SSBP3: variants seen among roughly 807,000 people sequenced by gnomAD.
The protein encoded by SSBP3 is single-stranded DNA-binding protein 3.
In SSBP3, 5 loss-of-function variants were observed where a neutral mutation model predicts 69.6. The ratio of observed to expected loss-of-function variants is 0.07; its 90% CI spans 0.04 to 0.15. SSBP3 has a LOEUF of 0.15. Among genes scored for constraint, SSBP3 ranks in the 10% least tolerant of loss-of-function variants. The pLI is 1.00. For missense variants in SSBP3, 312 were observed against 534.0 expected, an observed-to-expected ratio of 0.58 and a Z score of 4.10; for synonymous variants, 196 against 193.4, an observed-to-expected ratio of 1.01 and a Z score of -0.11.
At chr1:54,288,968 C>G (rs1428880252) in intron 4 of SSBP3, among the ~76,000 whole-genome samples, 1 of 135,312 alleles carries the variant, frequency 7.4e-6, no homozygotes, top group Admixed American at 8.9e-5. Context: ...TGCAGTGAGC[C>G]GAGATCGTGC....
chr1:54,242,450 G>A lies in SSBP3; in HGVS notation c.717-238C>T, dbSNP rs182793668. ...GTATATAAAATTAGATAAAAAATAT[G>A]TGAAATTCCCTTTGCATGTGCATTT... On this transcript the variant is annotated intron_variant, in intron 10 of 17. Coordinates refer to ENST00000610401, the Ensembl canonical transcript of SSBP3. 4.7e-4 allele frequency among the ~76,000 whole-genome samples: 71 copies of A among 152,300 alleles called. No individual in the cohort carries two copies. In the East Asian group the frequency reaches 9.1e-3, roughly 19 times the overall value.
At chr1:54,389,994 A>G (rs1211909101) in intron 4 of SSBP3, among the ~76,000 whole-genome samples, 1 of 152,156 alleles carries the variant, frequency 6.6e-6, no homozygotes, top group Non-Finnish European at 1.5e-5. Flanking sequence ...GGAATAACAG[A>G]ACTTAACTCA....
intron 4 of SSBP3, among the ~76,000 whole-genome samples, chr1:54,369,222 G>GC (rs997615916): frequency 7.9e-5 from 12 of 151,006 alleles, no homozygotes; most frequent in Admixed American, 6.6e-4. Flanking sequence ...TTGAGTCGGG[G>GC]GGGGGGCCCA....
intron 4 of SSBP3, among the ~76,000 whole-genome samples, chr1:54,366,942 G>A (rs1175015880): frequency 6.6e-6 from 1 of 152,166 alleles, no homozygotes; most frequent in Non-Finnish European, 1.5e-5. Context: ...TTACAACTGA[G>A]TGACACTGTT....
At chr1:54,316,667 A>AT (rs1212400421) in intron 4 of SSBP3, among the ~76,000 whole-genome samples, 4 of 56,480 alleles carry the variant, frequency 7.1e-5, no homozygotes, top group African/African-American at 3.2e-4. Flanking sequence ...AAATAAAATA[A>AT]ATAAATAAAT....
At chr1:54,380,491 A>T (rs1436598571) in intron 4 of SSBP3, among the ~76,000 whole-genome samples, 1 of 152,232 alleles carries the variant, frequency 6.6e-6, no homozygotes, top group African/African-American at 2.4e-5. Context: ...CTCCGAGTTA[A>T]AAACATTTTC....
At chr1:54,406,145 T>A (rs1288824676) in exon 1 of SSBP3, 1 of 563,620 alleles carries the variant, frequency 1.8e-6, no homozygotes, top group Non-Finnish European at 2.7e-6. Flanking sequence ...GGCGCTCTCC[T>A]CGCCGCGCTC....
chr1:54,362,575 G>A (rs895038302), intron 4 of SSBP3, among the ~76,000 whole-genome samples: 3 of 152,196 alleles, frequency 2.0e-5, no homozygotes, highest in Admixed American at 6.5e-5. Flanking sequence ...GGCTCCTCCG[G>A]GCAGCCCCTA....
chr1:54,275,420 G>A (rs1645267102), intron 5 of SSBP3, among the ~76,000 whole-genome samples: 1 of 152,254 alleles, frequency 6.6e-6, no homozygotes, highest in Admixed American at 6.5e-5. Flanking sequence ...GGCCTTTCCT[G>A]CTGCAGCAGC....
chr1:54,243,269 T>C, exon 10 of SSBP3: 1 of 1,613,630 alleles, frequency 6.2e-7, no homozygotes, highest in Non-Finnish European at 8.5e-7. Flanking sequence ...CCGAGGGAGT[T>C]GGGTGGTGGT....
chr1:54,232,796 C>A (rs1644404039), intron 14 of SSBP3, among the ~76,000 whole-genome samples: 1 of 152,230 alleles, frequency 6.6e-6, no homozygotes, highest in Admixed American at 6.5e-5. Flanking sequence ...GTTGGCCGGG[C>A]CGTCTCCAGC....
chr1:54,316,516 C>T (rs1646101611), intron 4 of SSBP3, among the ~76,000 whole-genome samples: 1 of 147,260 alleles, frequency 6.8e-6, no homozygotes, highest in Non-Finnish European at 1.5e-5. Context: ...TGGCGGGCGC[C>T]TGTAGTCCCA....
rs868039524 is a variant in SSBP3, at chr1:54,289,641, G to C, written c.277-8114C>G. 3.3e-4 allele frequency among the ~76,000 whole-genome samples: 50 copies of C among 152,130 alleles called. 1 individual carries two copies. The highest frequency in any genetic ancestry group is 2.1e-4 in the Non-Finnish European group (14 of 68,018). On this transcript the variant is annotated intron_variant, in intron 4 of 17. Transcript: ENST00000610401. ...TCAGGGAGGCTTTGTGGAAGAGATG[G>C]TACTTGAGCTGGGGCCTTAAAGGAC...
intron 17 of SSBP3, 36 bp downstream of exon 17, chr1:54,228,219 T>C (rs770366367): frequency 2.5e-6 from 4 of 1,590,112 alleles, no homozygotes; most frequent in African/African-American, 1.3e-5. Flanking sequence ...CCCCAGGCCG[T>C]GGGGACGAGA....
chr1:54,227,210 C>G, intron 17 of SSBP3, 50 bp from the exon 18 acceptor site: 1 of 1,066,394 alleles, frequency 9.4e-7, no homozygotes, highest in Non-Finnish European at 1.5e-6. Context: ...GTGGGGAGGC[C>G]GCTGACACAC....
intron 4 of SSBP3, among the ~76,000 whole-genome samples, chr1:54,377,714 A>G (rs1323346776): frequency 6.6e-6 from 1 of 152,244 alleles, no homozygotes; most frequent in Non-Finnish European, 1.5e-5. Context: ...CAAAGCTGAA[A>G]AATAATATAT....
At chr1:54,305,246 A>G (rs992142830) in intron 4 of SSBP3, among the ~76,000 whole-genome samples, 2 of 152,184 alleles carry the variant, frequency 1.3e-5, no homozygotes, top group Non-Finnish European at 2.9e-5. Flanking sequence ...AGTAGCTGTG[A>G]GTTTCTCAGC....
chr1:54,272,540 T>TG (rs1473833288), intron 5 of SSBP3, among the ~76,000 whole-genome samples: 43 of 149,286 alleles, frequency 2.9e-4, no homozygotes, highest in African/African-American at 9.1e-4. Context: ...AGAAGGTAGG[T>TG]GGGGACAGGA....
chr1:54,316,720 A>G (rs1375477835), intron 4 of SSBP3, among the ~76,000 whole-genome samples: 1 of 149,512 alleles, frequency 6.7e-6, no homozygotes, highest in East Asian at 1.9e-4. Context: ...AAAATAAAAT[A>G]AAATAAAATA....
Sources: gnomAD v4.1 joint callset for allele counts (sites outside exome capture counted in the v4.1 genomes callset) on GRCh38, gnomAD v4.1.1 for gene constraint, MANE v1.5 for transcripts, NCBI Gene and HGNC (gene_info 2026-07-23, HGNC 2026-07-21) for gene names.